Variants in BET1 observed in about 807,000 individuals in gnomAD.
The protein encoded by BET1 is BET1 homolog.
In BET1, 9 loss-of-function variants were observed where a neutral mutation model predicts 13.9. The ratio of observed to expected loss-of-function variants is 0.65; its 90% confidence interval spans 0.39 to 1.13. The LOEUF is 1.13. BET1 is among the 50% of genes most tolerant of loss of function. The pLI is 0.01. For synonymous variants in BET1, 39 were observed against 47.3 expected (o/e 0.82, Z 0.72); for missense variants, 127 against 133.6 (o/e 0.95, Z 0.24).
At chr7:93,966,777 G>A (rs1416692841) in intron 6 of BET1, among the ~76,000 whole-genome samples, 1 of 151,732 alleles carries the variant, frequency 6.6e-6, no homozygotes, top group African/African-American at 2.4e-5. Context: ...ACAGGGGGAA[G>A]AAAAAAGAAT....
chr7:93,983,571 CTG>C (rs1795468237), intron 4 of BET1, among the ~76,000 whole-genome samples: 1 of 152,000 alleles, frequency 6.6e-6, no homozygotes, highest in East Asian at 1.9e-4. Context: ...AGCCATGACT[CTG>C]TACAAAATTG....
At position 94,004,188 on chromosome 7, in the gene BET1, C is replaced by G; in HGVS notation, c.19+10G>C. The G allele has an allele frequency of 6.2e-7, 1 of 1,614,044 alleles. No individual in the cohort carries two copies. Among genetic ancestry groups the G allele is most frequent in the South Asian group, 1.1e-5 (1 of 91,076 alleles). Reference sequence around the variant, plus strand: ...GGGCCCCGAACTTCGAACCTCAGCCCTCTTCTTACCCAGGCCTGCACGCCT... The same window carrying G: ...GGGCCCCGAACTTCGAACCTCAGCCGTCTTCTTACCCAGGCCTGCACGCCT... On this transcript the variant is annotated intron_variant, in intron 1 of 3. Transcript: ENST00000222547.
chr7:93,998,457 G>T (rs1344653981), intron 2 of BET1, among the ~76,000 whole-genome samples: 1 of 151,930 alleles, frequency 6.6e-6, no homozygotes, highest in Non-Finnish European at 1.5e-5. Context: ...CCAGCACTTT[G>T]GGAGGCCAAG....
intron 3 of BET1, among the ~76,000 whole-genome samples, chr7:93,995,434 C>T (rs935422830): frequency 6.6e-6 from 1 of 152,124 alleles, no homozygotes; most frequent in Non-Finnish European, 1.5e-5. Flanking sequence ...CTATGTGGCT[C>T]ATATACTTTA....
intron 3 of BET1, chr7:93,995,977 C>T (rs1216298534): frequency 2.1e-6 from 1 of 467,198 alleles, no homozygotes; most frequent in Non-Finnish European, 3.7e-6. Context: ...ATTGAGACTT[C>T]TAAGACTACT....
rs1316032819 is a variant in BET1, at chr7:93,994,213, A to T, written c.*17T>A. 1.9e-6 allele frequency: 3 copies of T among 1,583,434 alleles called. No individual in the cohort carries two copies. The African/African-American group carries it at 4.1e-5, about 22-fold the overall frequency. ...GCCATTAAGTTGGAACAAATTCCAA[A>T]TTCACAATTACATGCATCACCTCAG... is the stretch of plus-strand genomic sequence containing the variant. On this transcript the variant is annotated 3_prime_UTR_variant, in exon 4 of 4. Coordinates refer to ENST00000222547, the MANE Select transcript of BET1 (RefSeq NM_005868.6).
At chr7:93,968,629 C>T (rs1199696660) in intron 6 of BET1, among the ~76,000 whole-genome samples, 2 of 151,606 alleles carry the variant, frequency 1.3e-5, no homozygotes, top group African/African-American at 2.4e-5. Context: ...GTAACTTAGC[C>T]GAGGACTTAT....
chr7:93,990,067 T>C (rs1464481594), downstream of BET1, among the ~76,000 whole-genome samples: 1 of 151,978 alleles, frequency 6.6e-6, no homozygotes. Context: ...AATTTGCCTT[T>C]TACAGATTTT....
rs542235128 is a variant in BET1, at chr7:93,968,863, T to C, written c.*138-3176A>G. Among the ~76,000 whole-genome samples the C allele has an allele frequency of 2.0e-5, 3 of 151,864 alleles. No homozygotes were observed. The East Asian group carries it at 5.8e-4, about 29-fold the overall frequency. On this transcript the variant is annotated intron_variant and NMD_transcript_variant, in intron 6 of 6. Coordinates refer to the BET1 transcript ENST00000357520. ...TGGAGATGAGTACAATATAGACAAA[T>C]GTAATTGAAGAAGTTTTTGATTCTT...
Position 93,983,622 on chromosome 7 carries a change from A to G in BET1, c.236-7522T>C, listed in dbSNP as rs543173765. Among the ~76,000 whole-genome samples the G allele has an allele frequency of 3.9e-5, 6 of 152,260 alleles. No homozygotes were observed. In the South Asian group the frequency reaches 8.3e-4, roughly 21 times the overall value. Reference sequence around the variant, plus strand: ...ATGCTTACAGAATTACACTATATCAATTGGAAAGGGTTAGTGTCTTATTAG... The same window carrying G: ...ATGCTTACAGAATTACACTATATCAGTTGGAAAGGGTTAGTGTCTTATTAG... On this transcript the variant is annotated intron_variant and NMD_transcript_variant, in intron 4 of 6. Coordinates refer to the BET1 transcript ENST00000357520.
exon 7 of BET1, chr7:93,965,679 C>T (rs761754437): frequency 6.6e-6 from 1 of 151,920 alleles, no homozygotes; most frequent in Non-Finnish European, 1.5e-5. Context: ...GAGTTCTCTG[C>T]ATTAATTTCT....
chr7:93,977,276 C>T (rs953196857), intron 4 of BET1, among the ~76,000 whole-genome samples: 1 of 152,014 alleles, frequency 6.6e-6, no homozygotes, highest in East Asian at 1.9e-4. Flanking sequence ...GCCTGGCCAT[C>T]GTGGTGAAAC....
chr7:93,994,443 C>A, intron 3 of BET1, 58 bp from the exon 4 acceptor site: 1 of 1,489,490 alleles, frequency 6.7e-7, no homozygotes, highest in Admixed American at 2.0e-5. Context: ...TCTACATATG[C>A]ATATCCAAGT....
At chr7:93,985,166 A>G (rs1326202049) in intron 4 of BET1, among the ~76,000 whole-genome samples, 3 of 152,106 alleles carry the variant, frequency 2.0e-5, no homozygotes, top group African/African-American at 7.2e-5. Context: ...AGTTAGAAAT[A>G]TGGCTACTGT....
intron 6 of BET1, among the ~76,000 whole-genome samples, chr7:93,967,174 C>T (rs1795187458): frequency 6.6e-6 from 1 of 151,844 alleles, no homozygotes; most frequent in East Asian, 1.9e-4. Context: ...TCTATATTCT[C>T]AAACCGTATG....
At chr7:93,977,776 C>A (rs1174947196) in intron 4 of BET1, among the ~76,000 whole-genome samples, 1 of 152,160 alleles carries the variant, frequency 6.6e-6, no homozygotes, top group African/African-American at 2.4e-5. Flanking sequence ...AGGCCAGATG[C>A]TTGTGTCAAT....
Position 93,974,486 on chromosome 7 carries a change from G to C in BET1, c.*48+1418C>G, listed in dbSNP as rs1795306568. Among the ~76,000 whole-genome samples the C allele has an allele frequency of 3.3e-5, 5 of 151,896 alleles. No homozygotes were observed. In the South Asian group the frequency reaches 1.0e-3, roughly 31 times the overall value. ...ACGACAGTGCTCAAAAAAGAATAGG[G>C]CATGTTGAAAGGGCACAGGAGCCAA... On this transcript the variant is annotated intron_variant and NMD_transcript_variant, in intron 5 of 6. Transcript: ENST00000357520.
intron 6 of BET1, chr7:93,972,482 T>A (rs368205197): frequency 2.0e-5 from 3 of 151,898 alleles, no homozygotes; most frequent in East Asian, 3.9e-4. Context: ...GTGACTTTTT[T>A]AAAGTTACTT....
chr7:93,974,395 T>C (rs1348144658), intron 5 of BET1, among the ~76,000 whole-genome samples: 1 of 151,960 alleles, frequency 6.6e-6, no homozygotes, highest in African/African-American at 2.4e-5. Flanking sequence ...GGAGATATAG[T>C]TGATTCCAAG....
Sources: allele counts gnomAD v4.1 joint callset (sites outside exome capture counted in the v4.1 genomes callset), GRCh38; gene constraint gnomAD v4.1.1; transcripts MANE v1.5; gene names NCBI Gene and HGNC (gene_info 2026-07-23, HGNC 2026-07-21).